Variants in TBC1D31 observed in about 807,000 individuals in gnomAD.
The protein encoded by TBC1D31 is WD repeat domain 67.
A neutral mutation model predicts 132.9 loss-of-function variants in TBC1D31; 99 were observed. That is an observed-to-expected ratio of 0.74 (90% CI 0.63 to 0.88). The LOEUF (loss-of-function observed/expected upper bound fraction) is 0.88, where lower values mean the gene tolerates loss of function less well. Among genes scored for constraint, TBC1D31 ranks in the 40% least tolerant of loss-of-function variants. TBC1D31 has a pLI of 0.00. For synonymous variants in TBC1D31, 385 were observed against 419.4 expected, an observed-to-expected ratio of 0.92 and a Z score of 1.00; for missense variants, 1,134 against 1,256.6, an observed-to-expected ratio of 0.90 and a Z score of 1.48.
intron 19 of TBC1D31, 107 bp from the exon 20 acceptor site, chr8:123,144,610 G>A: frequency 9.3e-7 from 1 of 1,077,040 alleles, no homozygotes; most frequent in Non-Finnish European, 1.3e-6. Flanking sequence ...CTTGCCATGG[G>A]AATATAAAGG....
intron 15 of TBC1D31, 87 bp from the exon 16 acceptor site, chr8:123,130,111 T>G (rs1820464935): frequency 7.5e-7 from 1 of 1,325,660 alleles, no homozygotes; most frequent in African/African-American, 1.5e-5. Context: ...TGTATTGAAA[T>G]GATCAGCATG....
the TBC1D31 span, among the ~76,000 whole-genome samples, chr8:123,161,350 C>A: frequency 2.7e-4 from 41 of 152,360 alleles, no homozygotes; most frequent in African/African-American, 8.4e-4. Context: ...CCACCCTCCT[C>A]CCCAGGCTGA....
chr8:123,157,698 AAC>A, the TBC1D31 span, among the ~76,000 whole-genome samples: 2 of 140,898 alleles, frequency 1.4e-5, no homozygotes, highest in Non-Finnish European at 3.1e-5. Context: ...ACGATTGGAA[AAC>A]ACACACGGGC....
At chr8:123,087,565 G>C (rs1180905954) in intron 4 of TBC1D31, among the ~76,000 whole-genome samples, 2 of 152,092 alleles carry the variant, frequency 1.3e-5, no homozygotes, top group African/African-American at 4.8e-5. Context: ...AATTGCTTTA[G>C]TACTTACATT....
intron 19 of TBC1D31, among the ~76,000 whole-genome samples, chr8:123,144,194 T>C (rs1821961635): frequency 6.6e-6 from 1 of 152,250 alleles, no homozygotes; most frequent in African/African-American, 2.4e-5. Context: ...TTTAAATTTA[T>C]TTTAGTTACC....
Position 123,142,458 on chromosome 8 carries a change from T to G in TBC1D31, c.2835+2T>G. ...ATGGTGGAGGAGGAAGCCAAGAAGG[T>G]AAAAAATAGTGTTATAAACTTTTTA... On this transcript the variant is annotated splice_donor_variant, in intron 19 of 21. Transcript: ENST00000287380. LOFTEE classifies it high-confidence loss of function. 1 of 1,537,036 alleles carries G rather than the reference T, an allele frequency of 6.5e-7. No homozygotes were observed. The highest frequency in any genetic ancestry group is 8.7e-7 in the Non-Finnish European group (1 of 1,146,860).
chr8:123,162,502 A>C, the TBC1D31 span, among the ~76,000 whole-genome samples: 1 of 152,148 alleles, frequency 6.6e-6, no homozygotes, highest in South Asian at 2.1e-4. Flanking sequence ...GTGGTTACAG[A>C]GAGCTAAAGG....
Position 123,105,378 on chromosome 8 carries a change from G to A in TBC1D31, c.1123G>A (p.Val375Ile). Residue 375 changes from valine (V) to isoleucine (I), a missense_variant, in exon 8 of 22, where the codon GTA becomes ATA. Coordinates refer to ENST00000287380, the MANE Select transcript of TBC1D31 (RefSeq NM_145647.4). ...TAAGATGAAAGTAACATCAGGGAGA[G>A]TACAGCAGCCAGCAAAATCTAGGGA... ...DLKMKVTSGRVQQPAKSRESK... is the reference protein window; with the variant it reads ...DLKMKVTSGRIQQPAKSRESK... 6.2e-7 allele frequency: 1 copy of A among 1,613,188 alleles called. No individual in the cohort carries two copies. The highest frequency in any genetic ancestry group is 2.2e-5 in the East Asian group (1 of 44,842).
Position 123,093,727 on chromosome 8 carries a change from T to C in TBC1D31, c.656T>C (p.Val219Ala). 5 of 1,588,728 alleles carry C rather than the reference T, an allele frequency of 3.1e-6. No homozygotes were observed. Among genetic ancestry groups the C allele is most frequent in the South Asian group, 1.2e-5 (1 of 85,996 alleles). Reference sequence around the variant, plus strand: ...GAAAGCTCTAGTATATTATACAAAGTGTTTGCTGTAACCAGGTAATGTGCA... The same window carrying C: ...GAAAGCTCTAGTATATTATACAAAGCGTTTGCTGTAACCAGGTAATGTGCA... Reference protein sequence around the residue: ...PPESSSILYKVFAVTRDGRIL... With the variant: ...PPESSSILYKAFAVTRDGRIL... Residue 219 changes from valine (V) to alanine (A), a missense_variant, in exon 5 of 22, where the codon GTG becomes GCG. Transcript: ENST00000287380.
chr8:123,109,444 T>TG, intron 9 of TBC1D31, 30 bp from the exon 10 acceptor site: 2 of 1,609,124 alleles, frequency 1.2e-6, no homozygotes, highest in Non-Finnish European at 1.7e-6. Context: ...CAAAAAAAAT[T>TG]GGGGGGATTA....
intron 10 of TBC1D31, 67 bp downstream of exon 10, chr8:123,109,687 T>C: frequency 7.2e-7 from 1 of 1,384,968 alleles, no homozygotes; most frequent in South Asian, 1.5e-5. Context: ...TTATAAAATC[T>C]CCTGTTTATA....
intron 1 of TBC1D31, among the ~76,000 whole-genome samples, chr8:123,074,094 C>A (rs2130575324): frequency 6.6e-6 from 1 of 151,602 alleles, no homozygotes; most frequent in African/African-American, 2.4e-5. Flanking sequence ...TGCAGTGGCG[C>A]GATCTCGGCT....
intron 4 of TBC1D31, among the ~76,000 whole-genome samples, chr8:123,086,160 G>A (rs1020336000): frequency 6.6e-6 from 1 of 151,680 alleles, no homozygotes; most frequent in Non-Finnish European, 1.5e-5. Flanking sequence ...ATCCAAACTG[G>A]TCTCTTTCAT....
At chr8:123,126,399 GTATTTAATA>G (rs1820036391) in intron 12 of TBC1D31, 100 bp from the exon 13 acceptor site, 1 of 1,182,930 alleles carries the variant, frequency 8.5e-7, no homozygotes. Flanking sequence ...TCATAATTAT[GTATTTAATA>G]TGATTTTCAT....
At position 123,078,200 on chromosome 8, in the gene TBC1D31, G is replaced by A. The variant is rs187655028; in HGVS notation, c.224+943G>A. On this transcript the variant is annotated intron_variant, in intron 2 of 21. Transcript: ENST00000287380. ...AGGACAGCTGCAGCAGCCTAGCAGAGAGGCAGAGGGTGTCTGCATAGCGAA... is the reference window on the plus strand; with the variant it reads ...AGGACAGCTGCAGCAGCCTAGCAGAAAGGCAGAGGGTGTCTGCATAGCGAA... Among the ~76,000 whole-genome samples the A allele has an allele frequency of 2.1e-3, 319 of 152,316 alleles. 6 individuals carry two copies. The highest frequency in any genetic ancestry group is 1.5e-4 in the Non-Finnish European group (10 of 68,030).
At chr8:123,074,584 G>A (rs531523981) in intron 1 of TBC1D31, among the ~76,000 whole-genome samples, 1 of 152,310 alleles carries the variant, frequency 6.6e-6, no homozygotes, top group South Asian at 2.1e-4. Flanking sequence ...CTTTCTTGAT[G>A]ATACAAAATA....
At chr8:123,081,876 T>A (rs1294631764) in intron 2 of TBC1D31, among the ~76,000 whole-genome samples, 1 of 78,848 alleles carries the variant, frequency 1.3e-5, no homozygotes, top group Non-Finnish European at 3.1e-5. Flanking sequence ...ACTGGGCCCC[T>A]CCCACAACAT....
intron 7 of TBC1D31, chr8:123,103,251 A>T (rs1047269973): frequency 6.6e-6 from 1 of 152,190 alleles, no homozygotes; most frequent in African/African-American, 2.4e-5. Flanking sequence ...ATATGGGATT[A>T]TACTCTGCTG....
intron 1 of TBC1D31, among the ~76,000 whole-genome samples, chr8:123,074,752 A>T (rs1814318630): frequency 6.6e-6 from 1 of 152,194 alleles, no homozygotes; most frequent in African/African-American, 2.4e-5. Context: ...TTGGAGTCAG[A>T]TGTATTTTGT....
Sources: gnomAD v4.1 joint callset for allele counts (sites outside exome capture counted in the v4.1 genomes callset) on GRCh38, gnomAD v4.1.1 for gene constraint, MANE v1.5 for transcripts, NCBI Gene and HGNC (gene_info 2026-07-23, HGNC 2026-07-21) for gene names.